The following ATRNL1 variants were observed in gnomAD, a reference collection of about 807,000 sequenced individuals.
The protein encoded by ATRNL1 is attractin-like protein 1.
In ATRNL1, 95 loss-of-function variants were observed where a neutral mutation model predicts 182.7. The ratio of observed to expected loss-of-function variants is 0.52; its 90% CI spans 0.44 to 0.62. The LOEUF (loss-of-function observed/expected upper bound fraction) is 0.62. Ranked by LOEUF, ATRNL1 falls within the 20% of genes least tolerant of loss-of-function variation. ATRNL1 has a pLI of 0.00. For synonymous variants in ATRNL1, 576 were observed against 568.3 expected, an observed-to-expected ratio of 1.01 and a Z score of -0.19; for missense variants, 1,471 against 1,679.5, an observed-to-expected ratio of 0.88 and a Z score of 2.17.
intron 27 of ATRNL1, among the ~76,000 whole-genome samples, chr10:115,801,266 A>C (rs898222626): frequency 6.6e-6 from 1 of 152,186 alleles, no homozygotes; most frequent in Non-Finnish European, 1.5e-5. Flanking sequence ...CCTTGAGGAA[A>C]TATGAGTCCA....
At chr10:115,910,852 T>G (rs1053270555) in intron 28 of ATRNL1, among the ~76,000 whole-genome samples, 31 of 152,186 alleles carry the variant, frequency 2.0e-4, no homozygotes, top group African/African-American at 7.2e-4. Context: ...TTTTTTCCTA[T>G]AAGATAGTAA....
chr10:115,483,464 T>G (rs773082138), intron 24 of ATRNL1, among the ~76,000 whole-genome samples: 2 of 151,534 alleles, frequency 1.3e-5, no homozygotes, highest in Non-Finnish European at 3.0e-5. Flanking sequence ...CCTTCAACTT[T>G]CAGCATACAT....
In ATRNL1 at chr10:115,883,944, G is replaced by C. The variant is rs141047665; in HGVS notation, c.4018+35953G>C. Among the ~76,000 whole-genome samples the C allele has an allele frequency of 2.0e-3, 310 of 152,300 alleles. 1 individual carries two copies. The highest frequency in any genetic ancestry group is 7.2e-3 in the African/African-American group (299 of 41,554). On this transcript the variant is annotated intron_variant, in intron 28 of 28. Transcript: ENST00000355044. ...GAAGAATGACATTTTGAGTAGCTTG[G>C]TGTCCACTCTGCTCATGGGACAGAA...
At chr10:115,210,621 G>A (rs971186854) in intron 8 of ATRNL1, among the ~76,000 whole-genome samples, 6 of 151,774 alleles carry the variant, frequency 4.0e-5, no homozygotes, top group African/African-American at 1.5e-4. Context: ...TTTATTATTT[G>A]TTTTCTGTTT....
chr10:115,717,550 T>TTC (rs1947293322), intron 26 of ATRNL1, among the ~76,000 whole-genome samples: 1 of 125,056 alleles, frequency 8.0e-6, no homozygotes, highest in Admixed American at 8.1e-5. Context: ...GAAATGTTCT[T>TTC]TTTTTTTTTT....
intron 18 of ATRNL1, among the ~76,000 whole-genome samples, chr10:115,330,984 G>C (rs1554934866): frequency 1.3e-5 from 2 of 151,662 alleles, no homozygotes; most frequent in African/African-American, 4.8e-5. Context: ...TTTCTTCTCT[G>C]AGTGTGTATT....
intron 26 of ATRNL1, among the ~76,000 whole-genome samples, chr10:115,560,663 A>G (rs1853648557): frequency 6.6e-6 from 1 of 151,338 alleles, no homozygotes; most frequent in Admixed American, 6.6e-5. Context: ...ATTGACAAGT[A>G]GATCCTAAAA....
At chr10:115,643,364 A>C (rs1315095294) in intron 26 of ATRNL1, among the ~76,000 whole-genome samples, 2 of 152,172 alleles carry the variant, frequency 1.3e-5, no homozygotes, top group Admixed American at 6.6e-5. Context: ...GTAAAGCTGA[A>C]AATCATAAAA....
chr10:115,440,410 GT>G (rs1160513004), intron 21 of ATRNL1, among the ~76,000 whole-genome samples: 1 of 151,814 alleles, frequency 6.6e-6, no homozygotes, highest in Non-Finnish European at 1.5e-5. Context: ...TATAACAATG[GT>G]ATTACCCGAT....
intron 27 of ATRNL1, among the ~76,000 whole-genome samples, chr10:115,787,041 G>T (rs1949413871): frequency 6.6e-6 from 1 of 152,120 alleles, no homozygotes; most frequent in Non-Finnish European, 1.5e-5. Flanking sequence ...ACATGCTCAA[G>T]TTGAAAATAT....
At chr10:115,887,775 C>T (rs1054904240) in intron 28 of ATRNL1, among the ~76,000 whole-genome samples, 1 of 151,900 alleles carries the variant, frequency 6.6e-6, no homozygotes, top group Non-Finnish European at 1.5e-5. Flanking sequence ...CTTTACCCCC[C>T]ATATCTAATT....
At chr10:115,395,321 C>T (rs1225888915) in intron 20 of ATRNL1, among the ~76,000 whole-genome samples, 2 of 151,836 alleles carry the variant, frequency 1.3e-5, no homozygotes, top group Non-Finnish European at 2.9e-5. Context: ...CATATAGGTG[C>T]ATGTGTCTTT....
chr10:115,288,636 C>A (rs1554919897), intron 15 of ATRNL1, among the ~76,000 whole-genome samples: 5 of 151,970 alleles, frequency 3.3e-5, no homozygotes, highest in African/African-American at 1.2e-4. Flanking sequence ...ATTCTTCCGC[C>A]TCAGCCTCCC....
At chr10:115,672,578 G>A (rs1027726713) in intron 26 of ATRNL1, among the ~76,000 whole-genome samples, 18 of 152,054 alleles carry the variant, frequency 1.2e-4, no homozygotes, top group African/African-American at 2.7e-4. Flanking sequence ...TTAGGCAAAC[G>A]TAAGCTGAAT....
intron 27 of ATRNL1, among the ~76,000 whole-genome samples, chr10:115,765,539 A>G (rs768923942): frequency 6.6e-6 from 1 of 152,196 alleles, no homozygotes; most frequent in Non-Finnish European, 1.5e-5. Flanking sequence ...TTTGGATAAC[A>G]TGCCTTTATC....
intron 20 of ATRNL1, among the ~76,000 whole-genome samples, chr10:115,408,993 C>T (rs1845000654): frequency 6.6e-6 from 1 of 152,114 alleles, no homozygotes; most frequent in African/African-American, 2.4e-5. Context: ...ATTTTGAAGT[C>T]TGGTAGTGTG....
intron 20 of ATRNL1, among the ~76,000 whole-genome samples, chr10:115,416,185 T>A (rs1351763930): frequency 6.6e-6 from 1 of 152,110 alleles, no homozygotes; most frequent in African/African-American, 2.4e-5. Flanking sequence ...GAATAAATAA[T>A]GTCTTTCCAC....
At chr10:115,216,290 C>A (rs1849229324) in intron 9 of ATRNL1, among the ~76,000 whole-genome samples, 1 of 152,130 alleles carries the variant, frequency 6.6e-6, no homozygotes, top group African/African-American at 2.4e-5. Flanking sequence ...ATTTTTGTAT[C>A]TGAGAGTATT....
In ATRNL1 at chr10:115,124,323, A is replaced by G. The variant is rs889093736; in HGVS notation, c.491+2511A>G. Among the ~76,000 whole-genome samples, 9 of 152,304 alleles carry G rather than the reference A, an allele frequency of 5.9e-5. No individual in the cohort carries two copies. The South Asian group carries it at 6.2e-4, about 11-fold the overall frequency. Reference sequence around the variant, plus strand: ...ATCATAGAACTCAGGAAAGTTCTACACTTATGACTATAGTTTTATCATGAA... The same window carrying G: ...ATCATAGAACTCAGGAAAGTTCTACGCTTATGACTATAGTTTTATCATGAA... On this transcript the variant is annotated intron_variant, in intron 3 of 28. Transcript: ENST00000355044.
Sources: gnomAD v4.1 joint callset for allele counts (sites outside exome capture counted in the v4.1 genomes callset) on GRCh38, gnomAD v4.1.1 for gene constraint, MANE v1.5 for transcripts, NCBI Gene and HGNC (gene_info 2026-07-23, HGNC 2026-07-21) for gene names.